CHST12: variants seen among roughly 807,000 people sequenced by gnomAD.
The protein encoded by CHST12 is carbohydrate (chondroitin 4) sulfotransferase 12.
In CHST12, 23 loss-of-function variants were observed where a neutral mutation model predicts 27.9. That is an observed-to-expected ratio of 0.82 (90% CI 0.59 to 1.17). CHST12 has a LOEUF of 1.17. CHST12 is among the 50% of genes most tolerant of loss of function. CHST12 has a pLI of 0.00. For missense variants in CHST12, 682 were observed against 603.0 expected, an observed-to-expected ratio of 1.13 and a Z score of -1.37; for synonymous variants, 322 against 273.0, an observed-to-expected ratio of 1.18 and a Z score of -1.77.
chr7:2,427,343 T>A (rs1047907383), intron 1 of CHST12, among the ~76,000 whole-genome samples: 5 of 151,904 alleles, frequency 3.3e-5, no homozygotes, highest in Non-Finnish European at 7.4e-5. Context: ...TATAAAAAAT[T>A]TTTAAAAATT....
chr7:2,419,175 G>A (rs997624763), intron 1 of CHST12, among the ~76,000 whole-genome samples: 14 of 152,082 alleles, frequency 9.2e-5, no homozygotes, highest in Non-Finnish European at 1.9e-4. Flanking sequence ...TTGGGAGGCC[G>A]AGGCAGGTAG....
At chr7:2,428,125 T>C (rs902166176) in intron 1 of CHST12, among the ~76,000 whole-genome samples, 1 of 152,016 alleles carries the variant, frequency 6.6e-6, no homozygotes, top group African/African-American at 2.4e-5. Flanking sequence ...CTGCTGGATT[T>C]GGTTTATTAA....
At position 2,440,836 on chromosome 7, in the gene CHST12, A is replaced by G. The variant is rs559022563; in HGVS notation, c.*6952A>G. The stretch of plus-strand genomic sequence containing the variant: ...TATCTTGGGGTCGGGAGTCAACGAT[A>G]CTTCTTGTGCTGTCGTTTCTCCGGC... On this transcript the variant is annotated 3_prime_UTR_variant, in exon 2 of 2. Transcript: ENST00000618655. 1 of 152,268 alleles carries G rather than the reference A, an allele frequency of 6.6e-6. No homozygotes were observed. The highest frequency in any genetic ancestry group is 2.1e-4 in the South Asian group (1 of 4,828). The allele number at this position is 152,268 out of a possible 1,614,324, so 9.4% of individuals were successfully genotyped here.
At chr7:2,426,176 G>A (rs1210861282) in intron 1 of CHST12, among the ~76,000 whole-genome samples, 3 of 152,160 alleles carry the variant, frequency 2.0e-5, no homozygotes, top group African/African-American at 7.2e-5. Flanking sequence ...AGGAACCAAC[G>A]TCCTTAGCAA....
intron 1 of CHST12, among the ~76,000 whole-genome samples, chr7:2,430,419 G>A (rs1401416650): frequency 3.3e-5 from 5 of 152,080 alleles, no homozygotes; most frequent in African/African-American, 4.8e-5. Flanking sequence ...GGGTTCAAGC[G>A]ATTCTCCTGC....
chr7:2,435,659 G>A lies in CHST12; in HGVS notation c.*1775G>A, dbSNP rs774013175. ...CTGGTTGCTGGCCACGCTCAGTTGGGACATACCCTGGTGTCCTCTGTGTGT... is the reference window on the plus strand; with the variant it reads ...CTGGTTGCTGGCCACGCTCAGTTGGAACATACCCTGGTGTCCTCTGTGTGT... On this transcript the variant is annotated 3_prime_UTR_variant, in exon 2 of 2. Coordinates refer to ENST00000618655, the MANE Select transcript of CHST12 (RefSeq NM_018641.5). 5 of 152,342 alleles carry A rather than the reference G, an allele frequency of 3.3e-5. No individual in the cohort carries two copies. Among genetic ancestry groups the A allele is most frequent in the Non-Finnish European group, 5.9e-5 (4 of 68,130 alleles). 9.4% of individuals were successfully genotyped at this position (152,342 alleles called of 1,614,324 possible). A position where few individuals can be genotyped will look rare whatever the true frequency, so the allele number is the denominator to read the frequency against.
In CHST12 at chr7:2,443,430, A is replaced by G. The variant is rs2115466759; in HGVS notation, c.*9546A>G. ...TGAAACAGTTTCATCCCAAAAGCATATACCTCTGCCCCATCCATGGAAAAA... is the reference window on the plus strand; with the variant it reads ...TGAAACAGTTTCATCCCAAAAGCATGTACCTCTGCCCCATCCATGGAAAAA... On this transcript the variant is annotated 3_prime_UTR_variant, in exon 2 of 2. Coordinates refer to ENST00000618655, the MANE Select transcript of CHST12 (RefSeq NM_018641.5). 1 of 152,254 alleles carries G rather than the reference A, an allele frequency of 6.6e-6. No individual in the cohort carries two copies. Among genetic ancestry groups the G allele is most frequent in the South Asian group, 2.1e-4 (1 of 4,822 alleles). 9.4% of individuals were successfully genotyped at this position (152,254 alleles called of 1,614,324 possible).
intron 1 of CHST12, among the ~76,000 whole-genome samples, chr7:2,422,465 G>C (rs544666892): frequency 6.6e-6 from 1 of 151,812 alleles, no homozygotes; most frequent in African/African-American, 2.4e-5. Flanking sequence ...GGCTGGTCTC[G>C]AACTCCTGAC....
rs1404114969 is a variant in CHST12 at position 2,434,171 on chromosome 7, C to T, written c.*287C>T. ...GTGGTTTTTCTGAGCGTGCGGGCGC[C>T]GGGAGGGGATGCTGAGGCTGATGGA... On this transcript the variant is annotated 3_prime_UTR_variant, in exon 2 of 2. Coordinates refer to ENST00000618655, the MANE Select transcript of CHST12 (RefSeq NM_018641.5). 7.8e-6 allele frequency: 2 copies of T among 255,234 alleles called. No homozygotes were observed. Among genetic ancestry groups the T allele is most frequent in the East Asian group, 9.0e-5 (1 of 11,166 alleles). The allele number at this position is 255,234 out of a possible 1,614,324, so 15.8% of individuals were successfully genotyped here. A position where few individuals can be genotyped will look rare whatever the true frequency, so the allele number is the denominator to read the frequency against.
chr7:2,432,148 A>C, intron 1 of CHST12, among the ~76,000 whole-genome samples: 1 of 122,122 alleles, frequency 8.2e-6, no homozygotes. Flanking sequence ...TATCAAAAAA[A>C]AAAAAAAAAA....
Position 2,433,892 on chromosome 7 carries a change from C to T in CHST12, c.*8C>T, listed in dbSNP as rs1251495674. ...AACCTCCTCCGAGACTGAAAGCTTTCGCGTTGCTTTTTCTCGCGTGCCTGG... is the reference window on the plus strand; with the variant it reads ...AACCTCCTCCGAGACTGAAAGCTTTTGCGTTGCTTTTTCTCGCGTGCCTGG... On this transcript the variant is annotated 3_prime_UTR_variant, in exon 2 of 2. Transcript: ENST00000618655. This position sits in a 1 kb window ranked among gnomAD's most constrained non-coding sequence, Gnocchi z 6.1. The T allele has an allele frequency of 1.9e-6, 3 of 1,551,014 alleles. No homozygotes were observed. The highest frequency in any genetic ancestry group is 2.1e-5 in the Admixed American group (1 of 48,372).
chr7:2,408,813 G>A (rs1463057497), intron 1 of CHST12, among the ~76,000 whole-genome samples: 1 of 152,212 alleles, frequency 6.6e-6, no homozygotes, highest in Non-Finnish European at 1.5e-5. Context: ...CCCCAGGTGA[G>A]AGGTGAGAAG....
At chr7:2,425,200 T>C (rs1782077954) in intron 1 of CHST12, among the ~76,000 whole-genome samples, 1 of 105,590 alleles carries the variant, frequency 9.5e-6, no homozygotes, top group African/African-American at 4.5e-5. Context: ...CAAGACTCCG[T>C]CTCAAAAAAA....
At chr7:2,423,533 G>T (rs1053572889) in intron 1 of CHST12, among the ~76,000 whole-genome samples, 4 of 152,148 alleles carry the variant, frequency 2.6e-5, no homozygotes, top group African/African-American at 9.7e-5. Flanking sequence ...TTTGAGACAC[G>T]TATTAGCTGT....
intron 1 of CHST12, among the ~76,000 whole-genome samples, chr7:2,421,590 C>G (rs1296995672): frequency 6.6e-6 from 1 of 152,090 alleles, no homozygotes; most frequent in Admixed American, 6.6e-5. Context: ...GTGTACACCA[C>G]CATGCCAGGC....
chr7:2,410,654 G>A (rs959974183), intron 1 of CHST12, among the ~76,000 whole-genome samples: 1 of 152,188 alleles, frequency 6.6e-6, no homozygotes. Flanking sequence ...GTCAAGCAGA[G>A]ATCTGAAGGA....
intron 1 of CHST12, among the ~76,000 whole-genome samples, chr7:2,427,581 C>G (rs992402177): frequency 3.3e-5 from 5 of 152,014 alleles, no homozygotes; most frequent in Non-Finnish European, 2.9e-5. Flanking sequence ...TGCCACCCCC[C>G]CCTACAGAGA....
At chr7:2,403,556 A>C (rs1029656709), upstream of CHST12, 1 of 147,630 alleles carries the variant, frequency 6.8e-6, no homozygotes, top group Admixed American at 6.7e-5. Context: ...GACCGGTAGG[A>C]GGGGCTCCTG....
intron 1 of CHST12, among the ~76,000 whole-genome samples, chr7:2,414,536 C>T (rs1054132905): frequency 7.2e-5 from 11 of 152,130 alleles, no homozygotes; most frequent in African/African-American, 2.4e-4. Flanking sequence ...CCACCCTTCT[C>T]GGCCTCCCAA....
Sources: gnomAD v4.1 joint callset for allele counts (sites outside exome capture counted in the v4.1 genomes callset) on GRCh38, gnomAD v4.1.1 for gene constraint, Gnocchi (gnomAD v3.1) non-coding constraint, MANE v1.5 for transcripts, NCBI Gene and HGNC (gene_info 2026-07-23, HGNC 2026-07-21) for gene names.